Variants in PPARGC1A observed in about 807,000 individuals in gnomAD.
The protein encoded by PPARGC1A is peroxisome proliferator-activated receptor gamma coactivator 1-alpha.
Under a neutral mutation model 88.7 loss-of-function variants are expected in PPARGC1A, and 25 were observed. The observed-to-expected ratio is 0.28, with a 90% CI of 0.21 to 0.39. The LOEUF (loss-of-function observed/expected upper bound fraction) is 0.39, where lower values mean the gene tolerates loss of function less well. PPARGC1A is among the 10% of genes least tolerant of loss of function. PPARGC1A has a pLI of 1.00. For missense variants in PPARGC1A, 880 were observed against 968.7 expected, an observed-to-expected ratio of 0.91 and a Z score of 1.22; for synonymous variants, 363 against 355.6, an observed-to-expected ratio of 1.02 and a Z score of -0.24.
the PPARGC1A span, among the ~76,000 whole-genome samples, chr4:23,973,222 AG>A: frequency 1.3e-5 from 2 of 152,228 alleles, no homozygotes; most frequent in Admixed American, 1.3e-4. Flanking sequence ...TGTTTTAAGG[AG>A]AGCAGCCTTA....
the PPARGC1A span, among the ~76,000 whole-genome samples, chr4:23,982,966 C>T: frequency 2.0e-5 from 3 of 152,120 alleles, no homozygotes; most frequent in Admixed American, 6.6e-5. Context: ...CACAGCCAAT[C>T]CCCCTTTTTT....
the PPARGC1A span, among the ~76,000 whole-genome samples, chr4:24,444,539 C>A: frequency 0.95 from 144,958 of 152,258 alleles, 69,313 homozygotes; most frequent in Non-Finnish European, 1. Flanking sequence ...AAAGAGCCTA[C>A]AGTCTGGACT....
the PPARGC1A span, among the ~76,000 whole-genome samples, chr4:24,026,237 A>C: frequency 1.3e-5 from 2 of 152,154 alleles, no homozygotes; most frequent in African/African-American, 2.4e-5. Flanking sequence ...CACCAGTCCC[A>C]GTTGCCCTCC....
At chr4:24,130,334 C>T in the PPARGC1A span, among the ~76,000 whole-genome samples, 4 of 152,154 alleles carry the variant, frequency 2.6e-5, no homozygotes, top group East Asian at 1.9e-4. Context: ...CCAGAATATT[C>T]GGTTAGAAAG....
At chr4:23,860,316 T>TG (rs1731019104) in intron 2 of PPARGC1A, among the ~76,000 whole-genome samples, 1 of 76,944 alleles carries the variant, frequency 1.3e-5, no homozygotes, top group African/African-American at 5.2e-5. Context: ...TTACCAGGGG[T>TG]GGGGGGAGGG....
chr4:23,889,867 A>T, intron 1 of PPARGC1A, 37 bp downstream of exon 1: 1 of 1,606,648 alleles, frequency 6.2e-7, no homozygotes, highest in Non-Finnish European at 8.5e-7. Context: ...GGGAAGCGTC[A>T]GTTGTGGCTG....
intron 12 of PPARGC1A, among the ~76,000 whole-genome samples, chr4:23,798,243 G>T (rs180772065): frequency 3.4e-4 from 52 of 152,148 alleles, no homozygotes; most frequent in African/African-American, 1.1e-3. Context: ...ACATGGACAC[G>T]CATGAAAATA....
the PPARGC1A span, among the ~76,000 whole-genome samples, chr4:24,242,266 CA>C: frequency 6.6e-6 from 1 of 152,204 alleles, no homozygotes; most frequent in Non-Finnish European, 1.5e-5. Flanking sequence ...CAGAGCCCAA[CA>C]CGCCTGGTGT....
At chr4:23,961,529 A>C in the PPARGC1A span, among the ~76,000 whole-genome samples, 52 of 152,278 alleles carry the variant, frequency 3.4e-4, no homozygotes, top group Admixed American at 2.2e-3. Flanking sequence ...TTCAGCATGA[A>C]TCCATTTCCC....
chr4:23,864,861 C>G (rs1043351169), intron 2 of PPARGC1A, among the ~76,000 whole-genome samples: 4 of 152,160 alleles, frequency 2.6e-5, no homozygotes, highest in African/African-American at 9.7e-5. Flanking sequence ...ACGGCAGTTG[C>G]AATTGCAACC....
intron 8 of PPARGC1A, among the ~76,000 whole-genome samples, 187 bp from the exon 9 acceptor site, chr4:23,813,312 C>T (rs1721295852): frequency 6.6e-6 from 1 of 152,126 alleles, no homozygotes; most frequent in South Asian, 2.1e-4. Context: ...GAGTGATGTG[C>T]TCTCTCTCAG....
chr4:24,149,562 G>C, the PPARGC1A span, among the ~76,000 whole-genome samples: 3 of 152,142 alleles, frequency 2.0e-5, no homozygotes, highest in Admixed American at 6.6e-5. Context: ...TAAAGGCTTG[G>C]GTTTCATATA....
the PPARGC1A span, among the ~76,000 whole-genome samples, chr4:24,377,679 T>C: frequency 6.6e-6 from 1 of 152,276 alleles, no homozygotes; most frequent in East Asian, 1.9e-4. Context: ...TGAAAAAATG[T>C]AGCGTCGATT....
At chr4:24,242,829 C>T in the PPARGC1A span, among the ~76,000 whole-genome samples, 291 of 152,222 alleles carry the variant, frequency 1.9e-3, 3 homozygotes, top group African/African-American at 6.2e-3. Context: ...ATCTTCCTGA[C>T]GGGGATGCCA....
chr4:24,405,143 A>C, the PPARGC1A span, among the ~76,000 whole-genome samples: 7 of 152,356 alleles, frequency 4.6e-5, no homozygotes, highest in East Asian at 3.9e-4. Flanking sequence ...AATAAAAATA[A>C]AATAGTCAAT....
chr4:23,889,787 G>T, intron 1 of PPARGC1A, 117 bp downstream of exon 1: 10 of 1,237,106 alleles, frequency 8.1e-6, no homozygotes, highest in Non-Finnish European at 1.1e-5. Flanking sequence ...AAAAGCTCCT[G>T]CCTGGACTAC....
chr4:23,842,544 G>A (rs781141661), intron 2 of PPARGC1A, among the ~76,000 whole-genome samples: 6 of 152,050 alleles, frequency 3.9e-5, no homozygotes, highest in Admixed American at 6.6e-5. Flanking sequence ...GAGTTTCTGG[G>A]CTGCAGCACT....
At chr4:24,326,968 C>T in the PPARGC1A span, among the ~76,000 whole-genome samples, 1 of 152,190 alleles carries the variant, frequency 6.6e-6, no homozygotes, top group African/African-American at 2.4e-5. Context: ...GGCTTCCCAC[C>T]TCTATACAGT....
At chr4:24,256,191 T>C in the PPARGC1A span, among the ~76,000 whole-genome samples, 4 of 152,150 alleles carry the variant, frequency 2.6e-5, no homozygotes, top group African/African-American at 9.7e-5. Flanking sequence ...ACAAACTGAC[T>C]CAGTGACCCA....
Sources: gnomAD v4.1 joint callset for allele counts (sites outside exome capture counted in the v4.1 genomes callset) on GRCh38, gnomAD v4.1.1 for gene constraint, MANE v1.5 for transcripts, NCBI Gene and HGNC (gene_info 2026-07-23, HGNC 2026-07-21) for gene names.